CDH18: variants seen among roughly 807,000 people sequenced by gnomAD.
The protein encoded by CDH18 is cadherin 18.
CDH18 carries 31 observed loss-of-function variants against 67.9 expected under a neutral mutation model. That is an observed-to-expected ratio of 0.46 (90% CI 0.34 to 0.62). The LOEUF is 0.62. CDH18 is among the 20% of genes least tolerant of loss of function. The pLI, the probability that CDH18 is intolerant of heterozygous loss-of-function variation, is 0.01. For synonymous variants in CDH18, 362 were observed against 347.2 expected (o/e 1.04, Z -0.48); for missense variants, 890 against 975.5 (o/e 0.91, Z 1.17).
At chr5:19,633,656 G>GTC (rs903474884) in intron 5 of CDH18, among the ~76,000 whole-genome samples, 6 of 151,612 alleles carry the variant, frequency 4.0e-5, no homozygotes, top group South Asian at 4.2e-4. Context: ...TTGAGACAGG[G>GTC]TCTCTCTCTC....
At chr5:20,222,804 T>C (rs141192325) in intron 2 of CDH18, among the ~76,000 whole-genome samples, 1,687 of 152,160 alleles carry the variant, frequency 0.011, 31 homozygotes, top group African/African-American at 0.038. Flanking sequence ...ATTGTGCATG[T>C]TTTCTGACAG....
intron 1 of CDH18, among the ~76,000 whole-genome samples, chr5:20,518,777 A>G (rs1218717864): frequency 6.6e-6 from 1 of 152,166 alleles, no homozygotes; most frequent in Admixed American, 6.6e-5. Context: ...CTCATGGCCA[A>G]AATCCATATG....
chr5:20,499,643 G>C (rs566413862), intron 1 of CDH18, among the ~76,000 whole-genome samples: 1 of 152,088 alleles, frequency 6.6e-6, no homozygotes. Context: ...TGAAGGTGTT[G>C]TTCTTAATTG....
chr5:19,561,205 G>A (rs534202605), intron 8 of CDH18, among the ~76,000 whole-genome samples: 3 of 151,962 alleles, frequency 2.0e-5, no homozygotes, highest in African/African-American at 7.2e-5. Flanking sequence ...AGATACCTGC[G>A]AAGGTATGTT....
chr5:19,800,259 A>G (rs1777313587), intron 3 of CDH18, among the ~76,000 whole-genome samples: 2 of 152,194 alleles, frequency 1.3e-5, no homozygotes, highest in Non-Finnish European at 2.9e-5. Flanking sequence ...TAGCTCTAAA[A>G]GATAAAGGTT....
At chr5:20,408,793 C>T (rs1209418363) in intron 1 of CDH18, among the ~76,000 whole-genome samples, 1 of 151,556 alleles carries the variant, frequency 6.6e-6, no homozygotes. Context: ...ACATATGGAA[C>T]AGACCAATAA....
At chr5:19,653,137 G>A (rs547615648) in intron 5 of CDH18, among the ~76,000 whole-genome samples, 184 of 151,072 alleles carry the variant, frequency 1.2e-3, no homozygotes, top group Non-Finnish European at 2.2e-3. Flanking sequence ...AAGTAATGGC[G>A]GTTTTTGCCT....
chr5:20,013,002 C>G (rs931358447), intron 2 of CDH18, among the ~76,000 whole-genome samples: 2 of 151,916 alleles, frequency 1.3e-5, no homozygotes, highest in Admixed American at 1.3e-4. Flanking sequence ...TATGACAAAC[C>G]TCCATGATCA....
At chr5:20,080,430 T>G (rs979253201) in intron 2 of CDH18, among the ~76,000 whole-genome samples, 1 of 152,168 alleles carries the variant, frequency 6.6e-6, no homozygotes, top group Non-Finnish European at 1.5e-5. Context: ...ACAAGTATAG[T>G]CAACTGAGTC....
At chr5:19,824,074 A>G (rs1282322578) in intron 3 of CDH18, among the ~76,000 whole-genome samples, 1 of 152,218 alleles carries the variant, frequency 6.6e-6, no homozygotes, top group Non-Finnish European at 1.5e-5. Context: ...CCCAAAACTA[A>G]CAGAAGTAAA....
Position 20,474,630 on chromosome 5 carries a change from T to C in CDH18, c.-580+100832A>G, listed in dbSNP as rs139699194. ...TGCAGAGAAAAATAAAAGACTAAAA[T>C]GAATGTCTAAAAAGAAATAGTGATT... On this transcript the variant is annotated intron_variant, in intron 1 of 14. Coordinates refer to the CDH18 transcript ENST00000507958. 7.3e-3 allele frequency among the ~76,000 whole-genome samples: 1,114 copies of C among 152,172 alleles called. 9 individuals carry two copies. The highest frequency in any genetic ancestry group is 0.025 in the African/African-American group (1,046 of 41,508).
rs60803879 is a variant in CDH18, at chr5:19,741,330, T to TCACACA, written c.523+5606_523+5611dup. On this transcript the variant is annotated intron_variant, in intron 4 of 12. Transcript: ENST00000382275. ...ATATATACATGTGTATATACATGTC[T>TCACACA]CACACACACACACACACACACACAC... 4.5e-3 allele frequency among the ~76,000 whole-genome samples: 651 copies of TCACACA among 145,714 alleles called. 4 individuals carry two copies. Among genetic ancestry groups the TCACACA allele is most frequent in the African/African-American group, 0.015 (595 of 39,206 alleles).
chr5:20,537,505 A>G (rs534571095), intron 1 of CDH18, among the ~76,000 whole-genome samples: 25 of 152,160 alleles, frequency 1.6e-4, no homozygotes, highest in Non-Finnish European at 3.4e-4. Context: ...TTAAAAATAT[A>G]TGACAAAACA....
At position 19,610,262 on chromosome 5, in the gene CDH18, C is replaced by A. The variant is rs1580477193; in HGVS notation, c.811+2172G>T. On this transcript the variant is annotated intron_variant, in intron 6 of 12. Coordinates refer to ENST00000382275, the MANE Select transcript of CDH18 (RefSeq NM_004934.5). ...AATGAGTTAACTCAGAGAGTATACA[C>A]TTATTCTGTTTTGTCAGGTAAAGTG... is the stretch of plus-strand genomic sequence containing the variant. Among the ~76,000 whole-genome samples, 7 of 152,186 alleles carry A rather than the reference C, an allele frequency of 4.6e-5. No individual in the cohort carries two copies. In the Middle Eastern group the frequency reaches 0.021, roughly 447 times the overall value.
At chr5:20,324,261 C>T (rs926911827) in intron 1 of CDH18, among the ~76,000 whole-genome samples, 1 of 151,906 alleles carries the variant, frequency 6.6e-6, no homozygotes, top group African/African-American at 2.4e-5. Context: ...GAAGGCCGGG[C>T]GCGGTGGGTG....
intron 1 of CDH18, among the ~76,000 whole-genome samples, chr5:20,457,996 G>A (rs114294980): frequency 8.7e-4 from 133 of 152,296 alleles, no homozygotes; most frequent in African/African-American, 3.1e-3. Flanking sequence ...TTATCTTCAA[G>A]TTGTTAGAGA....
intron 3 of CDH18, among the ~76,000 whole-genome samples, chr5:19,763,371 A>G (rs1324884813): frequency 1.3e-5 from 2 of 152,218 alleles, no homozygotes; most frequent in Non-Finnish European, 2.9e-5. Flanking sequence ...GCACAAACAA[A>G]GGCTTCTCAA....
At chr5:19,871,963 T>G (rs764105169) in intron 2 of CDH18, among the ~76,000 whole-genome samples, 1 of 152,208 alleles carries the variant, frequency 6.6e-6, no homozygotes, top group Non-Finnish European at 1.5e-5. Flanking sequence ...GTGAGTTTCT[T>G]TTTTAATCTG....
chr5:19,744,503 T>TACAC (rs34059092), intron 4 of CDH18, among the ~76,000 whole-genome samples: 35,111 of 146,246 alleles, frequency 0.24, 4,171 homozygotes, highest in South Asian at 0.35. Flanking sequence ...TAACTCAGTG[T>TACAC]ACACACACAC....
Sources: allele counts gnomAD v4.1 joint callset (sites outside exome capture counted in the v4.1 genomes callset), GRCh38; gene constraint gnomAD v4.1.1; transcripts MANE v1.5; gene names NCBI Gene and HGNC (gene_info 2026-07-23, HGNC 2026-07-21).